CALN1: variants seen among roughly 807,000 people sequenced by gnomAD.
CALN1 encodes calcium-binding protein 8.
In CALN1, 17 loss-of-function variants were observed where a neutral mutation model predicts 30.6. The observed-to-expected ratio is 0.56, with a 90% CI of 0.38 to 0.83. CALN1 has a LOEUF of 0.83. CALN1 is among the 40% of genes least tolerant of loss of function. The pLI, the probability that CALN1 is intolerant of heterozygous loss-of-function variation, is 0.00. For synonymous variants in CALN1, 156 were observed against 131.4 expected (o/e 1.19, Z -1.28); for missense variants, 291 against 354.9 (o/e 0.82, Z 1.45).
chr7:72,004,408 G>T (rs1232087556), intron 5 of CALN1, among the ~76,000 whole-genome samples: 1 of 152,094 alleles, frequency 6.6e-6, no homozygotes, highest in Admixed American at 6.6e-5. Context: ...GGACTTAAAT[G>T]TAAAACATAG....
chr7:72,174,946 G>C (rs180974150), intron 3 of CALN1, among the ~76,000 whole-genome samples: 12 of 143,574 alleles, frequency 8.4e-5, no homozygotes, highest in South Asian at 2.2e-4. Flanking sequence ...TTTTTGAGAC[G>C]GAGTCTCGCT....
intron 5 of CALN1, among the ~76,000 whole-genome samples, chr7:72,009,687 C>T (rs1053511055): frequency 3.9e-5 from 6 of 152,196 alleles, no homozygotes; most frequent in African/African-American, 1.2e-4. Flanking sequence ...GGGGTGGTTT[C>T]CCCCATACTG....
At chr7:72,096,800 C>T (rs1401173798) in intron 4 of CALN1, among the ~76,000 whole-genome samples, 1 of 152,136 alleles carries the variant, frequency 6.6e-6, no homozygotes, top group Non-Finnish European at 1.5e-5. Flanking sequence ...CCAGCAATCC[C>T]ATTACTGGGT....
intron 5 of CALN1, among the ~76,000 whole-genome samples, chr7:71,953,282 C>A (rs1796788520): frequency 6.6e-6 from 1 of 152,144 alleles, no homozygotes; most frequent in Admixed American, 6.6e-5. Flanking sequence ...TTATCTTAAT[C>A]TGTTGGTGCC....
chr7:72,021,932 G>C (rs1028500446), intron 5 of CALN1, among the ~76,000 whole-genome samples: 1 of 152,090 alleles, frequency 6.6e-6, no homozygotes, highest in Admixed American at 6.6e-5. Context: ...GCCAATAACA[G>C]CAAGTTGGGA....
chr7:72,302,666 C>CGTG (rs1029468206), intron 2 of CALN1, among the ~76,000 whole-genome samples: 6 of 151,646 alleles, frequency 4.0e-5, no homozygotes, highest in African/African-American at 1.5e-4. Flanking sequence ...GGCCAAGGCA[C>CGTG]GTGGATCACT....
At chr7:72,295,012 C>T (rs1368393107) in intron 2 of CALN1, among the ~76,000 whole-genome samples, 2 of 150,564 alleles carry the variant, frequency 1.3e-5, no homozygotes, top group African/African-American at 4.8e-5. Flanking sequence ...AGTTGGTCTA[C>T]CACAGTTGAA....
At chr7:71,848,032 C>G (rs1203544009) in intron 5 of CALN1, among the ~76,000 whole-genome samples, 2 of 152,116 alleles carry the variant, frequency 1.3e-5, no homozygotes, top group African/African-American at 2.4e-5. Context: ...AACACCTGAA[C>G]AGAAATACCC....
chr7:72,401,582 A>C (rs1348292823), intron 2 of CALN1, among the ~76,000 whole-genome samples: 1 of 152,188 alleles, frequency 6.6e-6, no homozygotes, highest in African/African-American at 2.4e-5. Flanking sequence ...CCCAAAGGAG[A>C]AGCACATGCC....
At chr7:72,361,956 G>A (rs999268007) in intron 2 of CALN1, among the ~76,000 whole-genome samples, 4 of 151,908 alleles carry the variant, frequency 2.6e-5, no homozygotes, top group African/African-American at 9.7e-5. Context: ...TTTTTCTTAC[G>A]CAGTTTTATT....
chr7:71,898,012 GGGGGGGGAGA>G (rs1562882170), intron 5 of CALN1, among the ~76,000 whole-genome samples: 12 of 74,100 alleles, frequency 1.6e-4, no homozygotes, highest in African/African-American at 7.9e-4. Flanking sequence ...AGGGAGGGAG[GGGGGGGGAGA>G]GAGAGAGAGA....
At chr7:71,951,211 T>C (rs1480464610) in intron 5 of CALN1, among the ~76,000 whole-genome samples, 2 of 152,156 alleles carry the variant, frequency 1.3e-5, no homozygotes, top group Non-Finnish European at 2.9e-5. Flanking sequence ...TTATATGGCA[T>C]AAGGGACTTT....
chr7:72,409,368 A>G (rs1205073230), intron 1 of CALN1, among the ~76,000 whole-genome samples: 4 of 149,112 alleles, frequency 2.7e-5, no homozygotes, highest in Admixed American at 2.7e-4. Context: ...CAGAGGCTGA[A>G]ATGATGAGGT....
At chr7:72,020,312 T>G (rs1179909131) in intron 5 of CALN1, among the ~76,000 whole-genome samples, 1 of 152,116 alleles carries the variant, frequency 6.6e-6, no homozygotes, top group Admixed American at 6.5e-5. Context: ...TTCAATCACT[T>G]CAAGGAAGGA....
intron 5 of CALN1, among the ~76,000 whole-genome samples, chr7:71,825,764 G>A (rs1425472603): frequency 6.6e-6 from 1 of 152,070 alleles, no homozygotes. Context: ...TGGGCATGGT[G>A]GCTCATGTCT....
intron 4 of CALN1, among the ~76,000 whole-genome samples, chr7:72,090,567 G>A (rs1349228698): frequency 1.3e-5 from 2 of 152,058 alleles, no homozygotes; most frequent in African/African-American, 4.8e-5. Flanking sequence ...GAAGTAGCTA[G>A]AAATGGTAAC....
At chr7:72,157,009 G>A (rs1787734783) in intron 3 of CALN1, among the ~76,000 whole-genome samples, 2 of 152,164 alleles carry the variant, frequency 1.3e-5, no homozygotes, top group African/African-American at 4.8e-5. Flanking sequence ...TGAGACAGAT[G>A]CTCATGAAAT....
At chr7:72,130,512 C>G (rs921555561) in intron 3 of CALN1, among the ~76,000 whole-genome samples, 2 of 151,974 alleles carry the variant, frequency 1.3e-5, no homozygotes, top group African/African-American at 4.8e-5. Flanking sequence ...TAGGTTGGTG[C>G]AAAAGTAATT....
intron 3 of CALN1, among the ~76,000 whole-genome samples, chr7:72,205,551 A>AATATATATATATATATGTAT (rs1254974557): frequency 2.4e-5 from 2 of 83,052 alleles, no homozygotes; most frequent in Non-Finnish European, 2.0e-5. Flanking sequence ...GCAAAAAAAA[A>AATATATATATATATATGTAT]ATATATATAT....
Sources: allele counts gnomAD v4.1 joint callset (sites outside exome capture counted in the v4.1 genomes callset), GRCh38; gene constraint gnomAD v4.1.1; transcripts MANE v1.5; gene names NCBI Gene and HGNC (gene_info 2026-07-23, HGNC 2026-07-21).